Variants in NTRK3 observed in about 807,000 individuals in gnomAD.
NTRK3 encodes the protein neurotrophic receptor tyrosine kinase 3.
In NTRK3, 24 loss-of-function variants were observed where a neutral mutation model predicts 91.7. The observed-to-expected ratio is 0.26, with a 90% confidence interval of 0.19 to 0.37. The LOEUF (loss-of-function observed/expected upper bound fraction) is 0.37, where lower values mean the gene tolerates loss of function less well. NTRK3 is among the 10% of genes least tolerant of loss of function. NTRK3 has a pLI of 1.00. For missense variants in NTRK3, 880 were observed against 1,068.9 expected, an observed-to-expected ratio of 0.82 and a Z score of 2.46; for synonymous variants, 483 against 404.0, an observed-to-expected ratio of 1.20 and a Z score of -2.34.
At chr15:88,087,143 G>A (rs747942922) in intron 13 of NTRK3, among the ~76,000 whole-genome samples, 4 of 152,162 alleles carry the variant, frequency 2.6e-5, no homozygotes, top group Non-Finnish European at 4.4e-5. Flanking sequence ...AACAATTAAC[G>A]GTACACAGCA....
intron 13 of NTRK3, among the ~76,000 whole-genome samples, chr15:88,108,631 G>A (rs981848133): frequency 6.6e-6 from 1 of 152,190 alleles, no homozygotes; most frequent in African/African-American, 2.4e-5. Context: ...GATATCCAAA[G>A]ATAAATCAGA....
intron 13 of NTRK3, among the ~76,000 whole-genome samples, chr15:88,104,119 T>C (rs749389445): frequency 2.0e-5 from 3 of 152,170 alleles, no homozygotes; most frequent in Non-Finnish European, 4.4e-5. Flanking sequence ...GAATACCACT[T>C]TATAGAATAT....
exon 3 of NTRK3, chr15:88,256,072 A>T: frequency 6.2e-7 from 1 of 1,613,026 alleles, no homozygotes; most frequent in Non-Finnish European, 8.5e-7. Context: ...GCCAGCACGG[A>T]GCCCACATAG....
intron 14 of NTRK3, among the ~76,000 whole-genome samples, chr15:87,971,899 G>C (rs2073285249): frequency 6.6e-6 from 1 of 152,196 alleles, no homozygotes; most frequent in African/African-American, 2.4e-5. Flanking sequence ...AAAGGCTATT[G>C]CAAGCCTTGC....
intron 18 of NTRK3, among the ~76,000 whole-genome samples, chr15:87,879,543 C>A (rs2065129422): frequency 6.6e-6 from 1 of 152,202 alleles, no homozygotes; most frequent in African/African-American, 2.4e-5. Flanking sequence ...GTACCTCAAG[C>A]AGACCCCCTT....
chr15:87,885,571 C>A, intron 17 of NTRK3, 123 bp downstream of exon 18: 1 of 490,284 alleles, frequency 2.0e-6, no homozygotes. Context: ...ATGGAACAAA[C>A]TAGAGAGTCC....
chr15:87,929,134 A>G (rs756459835), intron 17 of NTRK3, 57 bp downstream of exon 17: 6 of 1,613,590 alleles, frequency 3.7e-6, no homozygotes, highest in Middle Eastern at 3.3e-4. Flanking sequence ...TGAAAAAGAC[A>G]TGTAAGCAAG....
At chr15:88,136,442 T>C in intron 8 of NTRK3, 25 bp downstream of exon 8, 1 of 1,614,080 alleles carries the variant, frequency 6.2e-7, no homozygotes, top group Non-Finnish European at 8.5e-7. Flanking sequence ...AGCCTCCTGA[T>C]GGGGCTGAAG....
chr15:87,881,730 T>C (rs1475567376), intron 17 of NTRK3, among the ~76,000 whole-genome samples: 3 of 152,000 alleles, frequency 2.0e-5, no homozygotes, highest in Admixed American at 6.6e-5. Flanking sequence ...AAAGTTCTTA[T>C]TTCTATGGGG....
exon 19 of NTRK3, chr15:87,865,362 A>T (rs2064638947): frequency 4.7e-6 from 1 of 211,824 alleles, no homozygotes; most frequent in Non-Finnish European, 9.6e-6. Context: ...TGTAAATGAC[A>T]GAATACTGTG....
At chr15:88,105,403 A>C (rs560884250) in intron 13 of NTRK3, among the ~76,000 whole-genome samples, 1 of 152,278 alleles carries the variant, frequency 6.6e-6, no homozygotes, top group South Asian at 2.1e-4. Context: ...AGACCTTAGC[A>C]ATGAGGTGTT....
At chr15:87,989,620 G>A (rs1300928918) in intron 14 of NTRK3, among the ~76,000 whole-genome samples, 2 of 151,762 alleles carry the variant, frequency 1.3e-5, no homozygotes, top group African/African-American at 2.4e-5. Context: ...CCTGCACGTT[G>A]TGCACATGTA....
chr15:88,083,365 G>C (rs1015793731), intron 13 of NTRK3, among the ~76,000 whole-genome samples: 1 of 152,116 alleles, frequency 6.6e-6, no homozygotes, highest in Non-Finnish European at 1.5e-5. Context: ...TGGGATTATA[G>C]GCACCCACCA....
chr15:88,099,942 T>C (rs926985827), intron 13 of NTRK3, among the ~76,000 whole-genome samples: 2 of 152,124 alleles, frequency 1.3e-5, no homozygotes, highest in Non-Finnish European at 2.9e-5. Flanking sequence ...CAAGGATACT[T>C]TGCACCTTCT....
intron 17 of NTRK3, chr15:87,916,273 G>A: frequency 3.0e-6 from 1 of 336,226 alleles, no homozygotes; most frequent in Non-Finnish European, 5.4e-6. Context: ...GGAAATTTAT[G>A]TATCTTTTTA....
At chr15:87,960,632 G>A (rs564832520) in intron 14 of NTRK3, among the ~76,000 whole-genome samples, 2 of 152,102 alleles carry the variant, frequency 1.3e-5, no homozygotes, top group South Asian at 4.2e-4. Flanking sequence ...TCATGGGTGT[G>A]TGCCACTACA....
chr15:88,253,928 C>T (rs958427278), intron 3 of NTRK3, among the ~76,000 whole-genome samples: 3 of 152,176 alleles, frequency 2.0e-5, no homozygotes, highest in Non-Finnish European at 4.4e-5. Flanking sequence ...AACTGCTTCC[C>T]TGAGCATCAT....
intron 13 of NTRK3, among the ~76,000 whole-genome samples, chr15:88,094,329 C>A (rs1256161615): frequency 6.6e-6 from 1 of 151,574 alleles, no homozygotes; most frequent in Non-Finnish European, 1.5e-5. Flanking sequence ...ATTAGCCGGG[C>A]GCGGTGGCGG....
At position 87,880,468 on chromosome 15, in the gene NTRK3, T is replaced by C. The variant is rs781521099; in HGVS notation, c.2134-40A>G. 13 of 1,605,278 alleles carry C rather than the reference T, an allele frequency of 8.1e-6. No homozygotes were observed. In the South Asian group the frequency reaches 1.3e-4, roughly 16 times the overall value. On this transcript the variant is annotated intron_variant, in intron 17 of 18. Coordinates refer to ENST00000394480, the Ensembl canonical transcript of NTRK3. ...GATAGAGGCACACAGAGTGACCAGA[T>C]GGCCAGAATGAGTGTTATCTGTCTG...
Sources: gnomAD v4.1 joint callset for allele counts (sites outside exome capture counted in the v4.1 genomes callset) on GRCh38, gnomAD v4.1.1 for gene constraint, MANE v1.5 for transcripts, NCBI Gene and HGNC (gene_info 2026-07-23, HGNC 2026-07-21) for gene names.